Variants in CHCHD3 observed in about 807,000 individuals in gnomAD.
The protein encoded by CHCHD3 is coiled-coil-helix-coiled-coil-helix domain containing 3.
CHCHD3 carries 20 observed loss-of-function variants against 38.2 expected under a neutral mutation model. That is an observed-to-expected ratio of 0.52 (90% CI 0.37 to 0.76). CHCHD3 has a LOEUF of 0.76. Ranked by LOEUF, CHCHD3 falls within the 30% of genes least tolerant of loss-of-function variation. The pLI, the probability that CHCHD3 is intolerant of heterozygous loss-of-function variation, is 0.00. For missense variants in CHCHD3, 245 were observed against 279.2 expected, an observed-to-expected ratio of 0.88 and a Z score of 0.87; for synonymous variants, 82 against 100.0, an observed-to-expected ratio of 0.82 and a Z score of 1.07.
chr7:132,986,226 A>G (rs1483105872), intron 3 of CHCHD3, among the ~76,000 whole-genome samples: 1 of 148,148 alleles, frequency 6.8e-6, no homozygotes, highest in Non-Finnish European at 1.5e-5. Flanking sequence ...AAGAGTCATC[A>G]CCACTCCCTA....
chr7:133,081,247 A>C (rs1717037401), intron 1 of CHCHD3, among the ~76,000 whole-genome samples: 1 of 152,206 alleles, frequency 6.6e-6, no homozygotes. Flanking sequence ...TCGGCGCAGC[A>C]GGTCACAGAG....
At chr7:132,798,713 A>T (rs1295876391) in intron 6 of CHCHD3, among the ~76,000 whole-genome samples, 1 of 152,128 alleles carries the variant, frequency 6.6e-6, no homozygotes, top group East Asian at 1.9e-4. Context: ...TCATTAACAT[A>T]CGGGAAAAGA....
At chr7:133,036,583 G>C (rs1813683357) in intron 2 of CHCHD3, among the ~76,000 whole-genome samples, 1 of 152,126 alleles carries the variant, frequency 6.6e-6, no homozygotes, top group South Asian at 2.1e-4. Context: ...TCAATGAAAA[G>C]TATTCATGGC....
At chr7:132,918,563 C>T (rs147376018) in intron 4 of CHCHD3, among the ~76,000 whole-genome samples, 45 of 152,320 alleles carry the variant, frequency 3.0e-4, no homozygotes, top group African/African-American at 1.1e-3. Flanking sequence ...AGCCCTTTTC[C>T]TCCAGTATGG....
chr7:133,048,482 T>A (rs1814059970), intron 2 of CHCHD3, among the ~76,000 whole-genome samples: 1 of 152,056 alleles, frequency 6.6e-6, no homozygotes, highest in African/African-American at 2.4e-5. Context: ...ATTCCAAAGA[T>A]GAATCCGGCC....
intron 6 of CHCHD3, among the ~76,000 whole-genome samples, chr7:132,817,896 A>AAT (rs1344675757): frequency 6.6e-5 from 10 of 151,914 alleles, no homozygotes; most frequent in South Asian, 2.1e-4. Flanking sequence ...TGTCTCAAAA[A>AAT]AAAAATAAAA....
At chr7:132,933,453 A>T (rs2117259010) in intron 4 of CHCHD3, among the ~76,000 whole-genome samples, 1 of 152,346 alleles carries the variant, frequency 6.6e-6, no homozygotes, top group African/African-American at 2.4e-5. Context: ...TATGGCCCTA[A>T]CAACATAAAA....
chr7:132,832,616 T>C (rs1008828725), intron 6 of CHCHD3, among the ~76,000 whole-genome samples: 1 of 152,250 alleles, frequency 6.6e-6, no homozygotes, highest in African/African-American at 2.4e-5. Flanking sequence ...TACTATCACA[T>C]TGTCTTTACC....
chr7:132,881,715 A>G (rs1377519017), intron 5 of CHCHD3, among the ~76,000 whole-genome samples: 1 of 152,180 alleles, frequency 6.6e-6, no homozygotes, highest in African/African-American at 2.4e-5. Context: ...AATTATATTA[A>G]TATTAGAATC....
chr7:133,035,605 TATCGGA>T lies in CHCHD3; in HGVS notation c.170-10984_170-10979del, dbSNP rs748345629. 3.7e-6 allele frequency: 6 copies of T among 1,612,698 alleles called. No homozygotes were observed. The African/African-American group carries it at 6.7e-5, about 18-fold the overall frequency. On this transcript the variant is annotated intron_variant, in intron 2 of 7. Coordinates refer to ENST00000262570, the MANE Select transcript of CHCHD3 (RefSeq NM_017812.4). The surrounding 1 kb of genome is among the most constrained non-coding windows in gnomAD (Gnocchi z 4.7). The stretch of plus-strand genomic sequence containing the variant: ...ACCCAGGTACTGGCTGGGGGCACTA[TATCGGA>T]ATCAGCAAAGCTCACCCACTGCACC...
chr7:132,930,124 T>C (rs1450540056), intron 4 of CHCHD3, among the ~76,000 whole-genome samples: 1 of 151,958 alleles, frequency 6.6e-6, no homozygotes, highest in Non-Finnish European at 1.5e-5. Flanking sequence ...TTTATGGTGT[T>C]GCCTAACTCA....
At chr7:132,791,279 A>G (rs1252521103) in intron 7 of CHCHD3, among the ~76,000 whole-genome samples, 1 of 152,132 alleles carries the variant, frequency 6.6e-6, no homozygotes, top group East Asian at 1.9e-4. Context: ...GCTCACCCAC[A>G]TCTGAGATCT....
chr7:132,939,415 AAT>A (rs1020220156), intron 4 of CHCHD3, among the ~76,000 whole-genome samples: 2 of 152,118 alleles, frequency 1.3e-5, no homozygotes, highest in African/African-American at 4.8e-5. Context: ...TACCTTTATA[AAT>A]ATGTTTAGAT....
chr7:132,869,631 G>A (rs1808716745), intron 5 of CHCHD3, among the ~76,000 whole-genome samples: 1 of 152,146 alleles, frequency 6.6e-6, no homozygotes, highest in Non-Finnish European at 1.5e-5. Flanking sequence ...CTGTTGCCCA[G>A]GCTGGAGTGC....
chr7:132,857,776 C>A (rs1642889359), intron 5 of CHCHD3, among the ~76,000 whole-genome samples: 1 of 152,182 alleles, frequency 6.6e-6, no homozygotes, highest in African/African-American at 2.4e-5. Context: ...GGCCTGACTG[C>A]TTGTGACCTT....
intron 3 of CHCHD3, among the ~76,000 whole-genome samples, chr7:132,982,653 AGG>A (rs1811948437): frequency 6.6e-6 from 1 of 152,240 alleles, no homozygotes; most frequent in Non-Finnish European, 1.5e-5. Flanking sequence ...TACTCGTACC[AGG>A]TACAACTGTA....
At chr7:133,074,050 A>C (rs1814905893) in intron 1 of CHCHD3, among the ~76,000 whole-genome samples, 2 of 152,180 alleles carry the variant, frequency 1.3e-5, no homozygotes, top group Non-Finnish European at 2.9e-5. Context: ...ACCTAAAGCT[A>C]CCATTCCTTG....
chr7:132,818,332 C>G (rs1807259153), intron 6 of CHCHD3, among the ~76,000 whole-genome samples: 1 of 152,176 alleles, frequency 6.6e-6, no homozygotes, highest in African/African-American at 2.4e-5. Context: ...CTAATGCAAG[C>G]AAGGTAGTGA....
chr7:132,888,248 T>C (rs1585606827), intron 4 of CHCHD3, among the ~76,000 whole-genome samples: 4 of 151,896 alleles, frequency 2.6e-5, no homozygotes, highest in Admixed American at 1.3e-4. Context: ...ATGGGCGGTA[T>C]CTATTTTCTT....
Sources: allele counts gnomAD v4.1 joint callset (sites outside exome capture counted in the v4.1 genomes callset), GRCh38; gene constraint gnomAD v4.1.1; non-coding constraint Gnocchi (gnomAD v3.1); transcripts MANE v1.5; gene names NCBI Gene and HGNC (gene_info 2026-07-23, HGNC 2026-07-21).